The following GTF2E2 variants were observed in gnomAD, a reference collection of about 807,000 sequenced individuals.
The protein encoded by GTF2E2 is general transcription factor IIE subunit 2, also known as transcription initiation factor IIE subunit beta.
In GTF2E2, 21 loss-of-function variants were observed where a neutral mutation model predicts 40.5. The observed-to-expected ratio is 0.52, with a 90% confidence interval of 0.37 to 0.75. GTF2E2 has a LOEUF of 0.75. GTF2E2 is among the 30% of genes least tolerant of loss of function. The probability of loss-of-function intolerance (pLI) is 0.00; values close to 1 mark genes in which losing one functional copy is unlikely to be tolerated. For synonymous variants in GTF2E2, 117 were observed against 121.6 expected (o/e 0.96, Z 0.25); for missense variants, 298 against 338.4 (o/e 0.88, Z 0.94).
chr8:30,642,296 CAAAAAAAAA>C (rs33951211), intron 2 of GTF2E2, among the ~76,000 whole-genome samples: 1 of 129,908 alleles, frequency 7.7e-6, no homozygotes, highest in Non-Finnish European at 1.6e-5. Flanking sequence ...GGAGAAAAGC[CAAAAAAAAA>C]AAAAAGGAAA....
chr8:30,642,691 T>A (rs915771391), intron 2 of GTF2E2, among the ~76,000 whole-genome samples: 1 of 152,226 alleles, frequency 6.6e-6, no homozygotes, highest in Non-Finnish European at 1.5e-5. Flanking sequence ...ATATACACTA[T>A]CCTACACCTT....
chr8:30,620,765 CAAAA>C (rs754974238), intron 3 of GTF2E2, among the ~76,000 whole-genome samples: 1 of 131,190 alleles, frequency 7.6e-6, no homozygotes, highest in East Asian at 2.2e-4. Flanking sequence ...CTCGACTCCA[CAAAA>C]AAAAAAAAAA....
intron 2 of GTF2E2, chr8:30,637,235 T>C (rs942417701): frequency 2.2e-6 from 1 of 456,040 alleles, no homozygotes. Flanking sequence ...TAAAATAATA[T>C]TAAGCTTACC....
chr8:30,630,343 A>C (rs1239921040), intron 3 of GTF2E2, among the ~76,000 whole-genome samples: 1 of 152,204 alleles, frequency 6.6e-6, no homozygotes, highest in African/African-American at 2.4e-5. Flanking sequence ...TACTTTGTCC[A>C]AAGTTATGAC....
intron 6 of GTF2E2, among the ~76,000 whole-genome samples, chr8:30,598,730 A>T (rs1377194776): frequency 6.6e-6 from 1 of 152,262 alleles, no homozygotes; most frequent in Non-Finnish European, 1.5e-5. Context: ...GGTATTTTAG[A>T]GGTACAATCT....
At chr8:30,608,243 T>A (rs1288773171) in intron 5 of GTF2E2, among the ~76,000 whole-genome samples, 2 of 152,186 alleles carry the variant, frequency 1.3e-5, no homozygotes, top group African/African-American at 4.8e-5. Flanking sequence ...ATAACTCAAG[T>A]GAAGATTCTC....
At chr8:30,579,064 A>T in intron 7 of GTF2E2, 27 bp from the exon 8 acceptor site, 1 of 1,150,662 alleles carries the variant, frequency 8.7e-7, no homozygotes, top group Non-Finnish European at 1.3e-6. Context: ...AAACAATTAG[A>T]AACAACAGCT....
At chr8:30,651,656 C>T in intron 2 of GTF2E2, among the ~76,000 whole-genome samples, 1 of 152,190 alleles carries the variant, frequency 6.6e-6, no homozygotes, top group East Asian at 1.9e-4. Context: ...GATGGCAGTT[C>T]TTCCCCAAAT....
intron 7 of GTF2E2, among the ~76,000 whole-genome samples, chr8:30,579,719 TC>T (rs1418860018): frequency 6.6e-6 from 1 of 152,022 alleles, no homozygotes; most frequent in African/African-American, 2.4e-5. Context: ...TGGTGAATCA[TC>T]CCCCCGGGCT....
intron 2 of GTF2E2, among the ~76,000 whole-genome samples, chr8:30,640,045 C>T (rs1801757937): frequency 6.6e-6 from 1 of 152,234 alleles, no homozygotes; most frequent in East Asian, 1.9e-4. Context: ...AAACCCCTAC[C>T]ACCCACATTG....
At chr8:30,657,395 C>T (rs1802480894) in intron 1 of GTF2E2, among the ~76,000 whole-genome samples, 1 of 152,150 alleles carries the variant, frequency 6.6e-6, no homozygotes, top group Non-Finnish European at 1.5e-5. Context: ...ACTACTTCCC[C>T]TCTCTTTCAC....
At chr8:30,651,129 C>T (rs1440118986) in intron 2 of GTF2E2, among the ~76,000 whole-genome samples, 1 of 152,068 alleles carries the variant, frequency 6.6e-6, no homozygotes, top group African/African-American at 2.4e-5. Flanking sequence ...AAACCGAATG[C>T]TTTGCCCCTA....
chr8:30,581,538 T>G (rs1357005405), intron 6 of GTF2E2, among the ~76,000 whole-genome samples: 1 of 152,242 alleles, frequency 6.6e-6, no homozygotes, highest in Non-Finnish European at 1.5e-5. Context: ...CTGAAGCTTT[T>G]CATTGCAGGT....
At chr8:30,601,801 GA>G (rs1248151989) in intron 6 of GTF2E2, among the ~76,000 whole-genome samples, 2 of 152,142 alleles carry the variant, frequency 1.3e-5, no homozygotes, top group Non-Finnish European at 2.9e-5. Context: ...AATCACAGAA[GA>G]AATGTACTTT....
chr8:30,588,722 AG>A lies in GTF2E2; in HGVS notation c.644-8327del, dbSNP rs372049690. On this transcript the variant is annotated intron_variant, in intron 6 of 7. Coordinates refer to ENST00000355904, the MANE Select transcript of GTF2E2 (RefSeq NM_002095.6). ...GAGTCAAGGTGGAAGCAGAGGTCAG[AG>A]TGATGCTGGGACACAAGCCAAGAAA... Among the ~76,000 whole-genome samples, 554 of 152,340 alleles carry A rather than the reference AG, an allele frequency of 3.6e-3. 7 individuals carry two copies. The highest frequency in any genetic ancestry group is 0.013 in the African/African-American group (547 of 41,576).
At chr8:30,643,383 G>T (rs1012202489) in intron 2 of GTF2E2, 2 of 152,302 alleles carry the variant, frequency 1.3e-5, no homozygotes, top group African/African-American at 4.8e-5. Context: ...GGGAGGCCAG[G>T]CGCAGTGGCT....
At position 30,634,229 on chromosome 8, in the gene GTF2E2, C is replaced by G. The variant is rs544137532; in HGVS notation, c.258+803G>C. On this transcript the variant is annotated intron_variant, in intron 3 of 7. Coordinates refer to ENST00000355904, the MANE Select transcript of GTF2E2 (RefSeq NM_002095.6). ...TTGGGAGACCGAGGTGGGAAAATCACATGAGCTTAGGAGTTCGAGACCAGC... is the reference window on the plus strand; with the variant it reads ...TTGGGAGACCGAGGTGGGAAAATCAGATGAGCTTAGGAGTTCGAGACCAGC... Among the ~76,000 whole-genome samples the G allele has an allele frequency of 2.5e-3, 387 of 152,294 alleles. 1 individual carries two copies. Among genetic ancestry groups the G allele is most frequent in the Non-Finnish European group, 3.2e-3 (219 of 68,024 alleles).
chr8:30,631,154 G>A (rs1801428738), intron 3 of GTF2E2, among the ~76,000 whole-genome samples: 1 of 152,102 alleles, frequency 6.6e-6, no homozygotes, highest in African/African-American at 2.4e-5. Flanking sequence ...TAAAGTAGCT[G>A]CGGTTACAGG....
intron 1 of GTF2E2, 21 bp from the exon 2 acceptor site, chr8:30,653,623 T>C: frequency 2.5e-6 from 4 of 1,572,392 alleles, no homozygotes; most frequent in Non-Finnish European, 2.6e-6. Flanking sequence ...AAAATAAGTG[T>C]CTTTAATACA....
Sources: allele counts gnomAD v4.1 joint callset (sites outside exome capture counted in the v4.1 genomes callset), GRCh38; gene constraint gnomAD v4.1.1; transcripts MANE v1.5; gene names NCBI Gene and HGNC (gene_info 2026-07-23, HGNC 2026-07-21).